MED12: variants seen among roughly 807,000 people sequenced by gnomAD.
The protein encoded by MED12 is mediator of RNA polymerase II transcription subunit 12.
A neutral mutation model predicts 177.7 loss-of-function variants in MED12; 10 were observed. That is an observed-to-expected ratio of 0.06 (90% CI 0.03 to 0.10). MED12 has a LOEUF of 0.10. Among genes scored for constraint, MED12 ranks in the 10% least tolerant of loss-of-function variants. The pLI, the probability that MED12 is intolerant of heterozygous loss-of-function variation, is 1.00. For synonymous variants in MED12, 641 were observed against 678.4 expected (o/e 0.94, Z 0.86); for missense variants, 867 against 1,780.8 (o/e 0.49, Z 9.23).
At chrX:71,127,224 G>T in intron 20 of MED12, 92 bp downstream of exon 20, 1 of 1,149,113 alleles carries the variant, frequency 8.7e-7, no homozygotes, top group Non-Finnish European at 1.2e-6. Flanking sequence ...ACACTCTGGG[G>T]AAGCACCTGC....
chrX:71,131,158 C>T (rs1242296204), intron 28 of MED12, among the ~76,000 whole-genome samples: 5 of 89,530 alleles, frequency 5.6e-5, no homozygotes, highest in Non-Finnish European at 2.1e-5. Flanking sequence ...GACGGAGTCT[C>T]GCTCTTGTCG....
At chrX:71,132,261 G>A (rs1011671954) in intron 30 of MED12, 55 bp downstream of exon 30, 15 of 1,177,837 alleles carry the variant, frequency 1.3e-5, no homozygotes, top group Middle Eastern at 2.4e-4. Flanking sequence ...TGCTGGTAGC[G>A]TGAGTGATAT....
chrX:71,125,519 G>T, intron 16 of MED12, 24 bp downstream of exon 16: 1 of 1,207,911 alleles, frequency 8.3e-7, no homozygotes, highest in Non-Finnish European at 1.1e-6. Flanking sequence ...TCCTTAAACA[G>T]ATCTCCCCCA....
chrX:71,121,205 T>C, intron 5 of MED12, 53 bp downstream of exon 5: 1 of 1,202,935 alleles, frequency 8.3e-7, no homozygotes, highest in Non-Finnish European at 1.1e-6. Flanking sequence ...GAACTTGTAC[T>C]CTGCCAGTAG....
In MED12 at chrX:71,134,419, C is replaced by T. The variant is rs779412664; in HGVS notation, c.4680C>T (p.Leu1560=). 8 of 1,169,271 alleles carry T rather than the reference C, an allele frequency of 6.8e-6. No homozygotes were observed. Among genetic ancestry groups the T allele is most frequent in the Non-Finnish European group, 9.2e-6 (8 of 871,769 alleles). The part of the protein sequence containing the change: ...STQQTTEWAM[L]LLEIIISGTV... ...AGCAGACCACGGAGTGGGCCATGCTCCTCCTGGAGATCATCATCAGCGGCA... is the reference window on the plus strand; with the variant it reads ...AGCAGACCACGGAGTGGGCCATGCTTCTCCTGGAGATCATCATCAGCGGCA... The change falls in exon 34 of 45, where the codon CTC becomes CTT. Residue 1560 remains leucine, a synonymous_variant. Coordinates refer to ENST00000374080, the MANE Select transcript of MED12 (RefSeq NM_005120.3).
In MED12 at chrX:71,142,149, C is replaced by G. The variant is rs778581548; in HGVS notation, c.6491-26C>G. ...CCCACACCCCTGCCTGGTCTTCCAT[C>G]CCTGATAATCTCTGGTTTTTCACAG... is the stretch of plus-strand genomic sequence containing the variant. On this transcript the variant is annotated intron_variant, in intron 44 of 44. Coordinates refer to ENST00000374080, the MANE Select transcript of MED12 (RefSeq NM_005120.3). 1.5e-5 allele frequency: 18 copies of G among 1,204,995 alleles called. No homozygotes were observed. The Admixed American group carries it at 1.8e-4, about 12-fold the overall frequency.
chrX:71,132,767 CCTCTTCTCTTCTCTT>C lies in MED12; in HGVS notation c.4416-30_4416-16del, dbSNP rs56658066. 5.7e-3 allele frequency: 3,744 copies of C among 653,305 alleles called. 126 individuals are homozygous for C. The African/African-American group carries it at 0.071, about 12-fold the overall frequency. 53.8% of individuals were successfully genotyped at this position (653,305 alleles called of 1,213,427 possible). A position where few individuals can be genotyped will look rare whatever the true frequency, so the allele number is the denominator to read the frequency against. On this transcript the variant is annotated intron_variant, in intron 31 of 44. Transcript: ENST00000374080. ...TCCCTTTTCTCCTCTCCTCTTCTCT[CCTCTTCTCTTCTCTT>C]CTCTTCTCTTCTCTTCTCTTCTCTT... is the stretch of plus-strand genomic sequence containing the variant.
Position 71,136,586 on chromosome X carries a change from C to T in MED12, c.5331C>T (p.Pro1777=). 8.3e-7 allele frequency: 1 copy of T among 1,204,952 alleles called. No individual in the cohort carries two copies. ...PKTDKPGAAP[P]STEERKKKST... ...CTGACAAACCGGGGGCTGCTCCACC[C>T]AGTACTGAGGAACGCAAGAAGAAGT... The change falls in exon 37 of 45, where the codon CCC becomes CCT. Residue 1777 remains proline (P), a synonymous_variant. Transcript: ENST00000374080.
chrX:71,123,594 C>T lies in MED12; in HGVS notation c.1618C>T (p.Arg540Cys), dbSNP rs1209035119. ...EKRQAEIEAERCGESEAADEK... is the reference protein window; with the variant it reads ...EKRQAEIEAECCGESEAADEK... ...TACAATTTGTTCTGTCATCTTGCAG[C>T]GTTGTGGAGAATCAGAAGCCGCAGA... The change falls in exon 12 of 45, where the codon CGT becomes TGT. Residue 540 changes from arginine (R) to cysteine (C), a missense_variant and splice_region_variant. Physicochemically the swap from Arg to Cys is radical, Grantham distance 180. Around this residue, in one of 14 missense-constraint regions of MED12, gnomAD observed 309 missense variants for 556.3 expected, o/e 0.56. Transcript: ENST00000374080. 1.7e-6 allele frequency: 2 copies of T among 1,210,900 alleles called. No individual in the cohort carries two copies. The highest frequency in any genetic ancestry group is 2.2e-6 in the Non-Finnish European group (2 of 895,010).
rs745348543 is a variant in MED12 at position 71,119,842 on chromosome X, G to T, written c.361G>T (p.Ala121Ser). 7.4e-6 allele frequency: 9 copies of T among 1,211,274 alleles called. No individual in the cohort carries two copies. The highest frequency in any genetic ancestry group is 1.0e-5 in the Non-Finnish European group (9 of 895,321). ...CATTAACACTTGGTTCACTGACTTG[G>T]CTGGCACCAAGCCACTCACGCAACT... Reference protein sequence around the residue: ...SAINTWFTDLAGTKPLTQLAK... With the variant: ...SAINTWFTDLSGTKPLTQLAK... The change falls in exon 3 of 45, where the codon GCT (alanine) becomes TCT (serine). Residue 121 changes from alanine (A) to serine (S), a missense_variant. Around this residue, in one of 14 missense-constraint regions of MED12, gnomAD observed 42 missense variants for 129.6 expected, o/e 0.32. Transcript: ENST00000374080.
At chrX:71,128,547 T>C in intron 23 of MED12, 51 bp from the exon 24 acceptor site, 1 of 1,209,638 alleles carries the variant, frequency 8.3e-7, no homozygotes, top group Non-Finnish European at 1.1e-6. Context: ...GCACACCGCT[T>C]TGAGTGGGCC....
chrX:71,119,924 T>C (rs1308838555), intron 3 of MED12, 47 bp downstream of exon 3: 1 of 1,200,564 alleles, frequency 8.3e-7, no homozygotes, highest in Non-Finnish European at 1.1e-6. Flanking sequence ...GAGCATGGGG[T>C]ACCAAGTACC....
intron 22 of MED12, 31 bp downstream of exon 22, chrX:71,128,151 C>T: frequency 8.4e-7 from 1 of 1,191,574 alleles, no homozygotes; most frequent in Admixed American, 2.2e-5. Flanking sequence ...GGAAGGGCAC[C>T]ATGCCCCCAT....
At chrX:71,124,466 C>G (rs2092297682) in intron 13 of MED12, 78 bp downstream of exon 13, 1 of 817,361 alleles carries the variant, frequency 1.2e-6, no homozygotes, top group Non-Finnish European at 1.8e-6. Flanking sequence ...CTCTAAGAGC[C>G]TCTTTTGCCT....
At position 71,132,241 on chromosome X, in the gene MED12, G is replaced by A. The variant is rs188783803; in HGVS notation, c.4253+35G>A. 25 of 1,198,005 alleles carry A rather than the reference G, an allele frequency of 2.1e-5. No homozygotes were observed. In the African/African-American group the frequency reaches 2.8e-4, roughly 13 times the overall value. On this transcript the variant is annotated intron_variant, in intron 30 of 44. Transcript: ENST00000374080. ...AAACATGTTAGGACCCATCCCCTTA[G>A]GAGTTTATCTGCTGGTAGCGTGAGT...
chrX:71,124,065 A>G lies in MED12; in HGVS notation c.1745-94A>G, dbSNP rs753226293. The G allele has an allele frequency of 9.4e-6, 7 of 744,972 alleles. No homozygotes were observed. The South Asian group carries it at 1.1e-4, about 12-fold the overall frequency. The allele number at this position is 744,972 out of a possible 1,213,427, so 61.4% of individuals were successfully genotyped here. ...CAACAATTTCTGGGATTTCTATTTG[A>G]TCACTCTTATTATTGCCTTAGGTGT... is the stretch of plus-strand genomic sequence containing the variant. On this transcript the variant is annotated intron_variant, in intron 12 of 44. Coordinates refer to ENST00000374080, the MANE Select transcript of MED12 (RefSeq NM_005120.3).
At chrX:71,126,175 C>G in intron 18 of MED12, 21 bp downstream of exon 18, 1 of 1,176,141 alleles carries the variant, frequency 8.5e-7, no homozygotes, top group Non-Finnish European at 1.2e-6. Context: ...AAGCCCAGCC[C>G]CTTTCCCACA....
intron 42 of MED12, 95 bp from the exon 43 acceptor site, chrX:71,141,135 C>A (rs1207820271): frequency 1.7e-5 from 20 of 1,158,697 alleles, no homozygotes; most frequent in Non-Finnish European, 2.3e-5. Flanking sequence ...CCCGAGCTCC[C>A]ACCCTGCTTC....
intron 31 of MED12, 116 bp downstream of exon 31, chrX:71,132,654 A>C (rs760140571): frequency 3.7e-4 from 363 of 974,553 alleles, no homozygotes; most frequent in Non-Finnish European, 4.9e-4. Context: ...AAATCAGAGG[A>C]TAAGAGTGGG....
Sources: gnomAD v4.1 joint callset for allele counts (sites outside exome capture counted in the v4.1 genomes callset) on GRCh38, gnomAD v4.1.1 for gene constraint, gnomAD v4.1.1 regional missense constraint, MANE v1.5 for transcripts, NCBI Gene and HGNC (gene_info 2026-07-23, HGNC 2026-07-21) for gene names.